PRH1: variants seen among roughly 807,000 people sequenced by gnomAD.
PRH1 encodes proline rich protein HaeIII subfamily 1.
In PRH1, 7 loss-of-function variants were observed where a neutral mutation model predicts 7.9. The ratio of observed to expected loss-of-function variants is 0.89; its 90% confidence interval spans 0.50 to 1.67. The LOEUF (loss-of-function observed/expected upper bound fraction) is 1.67. Among genes scored for constraint, PRH1 ranks in the 40% most tolerant of loss-of-function variants. The pLI is 0.00. For synonymous variants in PRH1, 45 were observed against 80.8 expected, an observed-to-expected ratio of 0.56 and a Z score of 2.38; for missense variants, 109 against 223.6, an observed-to-expected ratio of 0.49 and a Z score of 3.27.
intron 1 of PRH1, among the ~76,000 whole-genome samples, chr12:11,161,084 C>T (rs906556671): frequency 9.2e-5 from 14 of 152,204 alleles, no homozygotes; most frequent in Middle Eastern, 3.4e-3. Flanking sequence ...CTTCCAGGCC[C>T]GTCCCATAAA....
chr12:11,043,204 C>G (rs1466197173), intron 1 of PRH1, among the ~76,000 whole-genome samples: 1 of 152,106 alleles, frequency 6.6e-6, no homozygotes, highest in Non-Finnish European at 1.5e-5. Context: ...ACCATATGAT[C>G]ATTTAAATTA....
chr12:10,971,531 C>G (rs1276012614), intron 2 of PRH1, among the ~76,000 whole-genome samples: 1 of 152,012 alleles, frequency 6.6e-6, no homozygotes, highest in South Asian at 2.1e-4. Context: ...ATTTGAGAAA[C>G]TTCTCAACTT....
At position 11,134,274 on chromosome 12, in the gene PRH1, A is replaced by C; in HGVS notation, n.40-13094T>G. ...GAACAGACAAAAAGAAATTTTTAAAATGCTGGTGTAATATCACTGGTTGTG... is the reference window on the plus strand; with the variant it reads ...GAACAGACAAAAAGAAATTTTTAAACTGCTGGTGTAATATCACTGGTTGTG... On this transcript the variant is annotated intron_variant and non_coding_transcript_variant, in intron 1 of 1. Transcript: ENST00000541175. 3 of 1,576,574 alleles carry C rather than the reference A, an allele frequency of 1.9e-6. No homozygotes were observed. The African/African-American group carries it at 4.1e-5, about 21-fold the overall frequency.
At chr12:11,029,514 T>A (rs1942081898) in intron 1 of PRH1, among the ~76,000 whole-genome samples, 2 of 152,264 alleles carry the variant, frequency 1.3e-5, no homozygotes, top group Non-Finnish European at 2.9e-5. Context: ...AAGGATATAA[T>A]TAGCAATTCA....
chr12:11,090,847 C>A (rs1268422998), intron 1 of PRH1, among the ~76,000 whole-genome samples: 1 of 113,250 alleles, frequency 8.8e-6, no homozygotes, highest in Admixed American at 9.0e-5. Flanking sequence ...ATTCTAAGCA[C>A]AATGTGGTAT....
chr12:10,905,990 A>G (rs998170193), intron 2 of PRH1, among the ~76,000 whole-genome samples: 1 of 152,202 alleles, frequency 6.6e-6, no homozygotes, highest in Non-Finnish European at 1.5e-5. Context: ...ACAGATATTG[A>G]AAGATGCTAT....
Position 11,080,507 on chromosome 12 carries a change from T to C in PRH1, n.124-33319A>G, listed in dbSNP as rs1163861857. Reference sequence around the variant, plus strand: ...CCTGGGTGTGAAATTACAGGGTCCTTGATAAACGTTCACATTCTCCTCACA... The same window carrying C: ...CCTGGGTGTGAAATTACAGGGTCCTCGATAAACGTTCACATTCTCCTCACA... On this transcript the variant is annotated intron_variant and non_coding_transcript_variant, in intron 1 of 4. Transcript: ENST00000541977. Among the ~76,000 whole-genome samples the C allele has an allele frequency of 1.7e-5, 2 of 116,194 alleles. 1 individual carries two copies. Among genetic ancestry groups the C allele is most frequent in the Admixed American group, 1.7e-4 (2 of 11,558 alleles). The allele number at this position is 116,194 out of a possible 152,430, so 76.2% of individuals were successfully genotyped here. A position where few individuals can be genotyped will look rare whatever the true frequency, so the allele number is the denominator to read the frequency against.
chr12:10,970,128 A>C (rs1015498038), intron 2 of PRH1, among the ~76,000 whole-genome samples: 2 of 152,176 alleles, frequency 1.3e-5, no homozygotes, highest in African/African-American at 2.4e-5. Context: ...TATAGCAAGC[A>C]ATGCAGCACT....
intron 1 of PRH1, among the ~76,000 whole-genome samples, chr12:11,075,391 TTTTC>T (rs746554144): frequency 4.1e-3 from 361 of 88,062 alleles, no homozygotes; most frequent in East Asian, 8.6e-3. Context: ...CTTTTTTTTT[TTTTC>T]ATTTCTTTTG....
intron 1 of PRH1, chr12:11,030,448 T>A (rs773053386): frequency 4.5e-5 from 72 of 1,614,102 alleles, no homozygotes; most frequent in Middle Eastern, 1.6e-4. Context: ...AGTACCTCAC[T>A]TGCCGCAAAA....
chr12:11,041,476 T>C (rs991817897), intron 1 of PRH1, among the ~76,000 whole-genome samples: 2 of 152,094 alleles, frequency 1.3e-5, no homozygotes, highest in South Asian at 4.2e-4. Context: ...CCCAGATATA[T>C]AAAGCAAATA....
chr12:11,133,152 T>G, intron 1 of PRH1: 2 of 1,024,458 alleles, frequency 2.0e-6, no homozygotes, highest in Non-Finnish European at 2.7e-6. Flanking sequence ...CATCTATATA[T>G]ATGTACTTTT....
intron 1 of PRH1, among the ~76,000 whole-genome samples, chr12:10,996,275 G>A (rs919290490): frequency 6.6e-6 from 1 of 151,674 alleles, no homozygotes; most frequent in Admixed American, 6.6e-5. Flanking sequence ...GTTGTGGTGA[G>A]CCAAGATTGT....
chr12:10,925,986 TTTA>T (rs1477372070), intron 2 of PRH1, among the ~76,000 whole-genome samples: 2 of 152,198 alleles, frequency 1.3e-5, no homozygotes, highest in African/African-American at 4.8e-5. Context: ...ATAGTAAATG[TTTA>T]AAAATGTTTT....
At chr12:11,139,267 T>TAA (rs1946640848) in intron 1 of PRH1, among the ~76,000 whole-genome samples, 3 of 152,168 alleles carry the variant, frequency 2.0e-5, no homozygotes, top group African/African-American at 7.2e-5. Flanking sequence ...GAAAAAATTA[T>TAA]AACATTAACA....
chr12:10,912,510 T>A (rs1336122135), intron 2 of PRH1, among the ~76,000 whole-genome samples: 1 of 152,116 alleles, frequency 6.6e-6, no homozygotes, highest in African/African-American at 2.4e-5. Context: ...GCCTATTTTG[T>A]TAGTCTATTC....
chr12:11,000,187 T>C (rs1019390078), intron 1 of PRH1, among the ~76,000 whole-genome samples: 8 of 152,146 alleles, frequency 5.3e-5, no homozygotes, highest in South Asian at 4.1e-4. Context: ...GCTATTTGCA[T>C]ATATCTTATC....
At chr12:11,120,808 G>A (rs147241158), downstream of PRH1, 155 of 152,412 alleles carry the variant, frequency 1.0e-3, no homozygotes, top group African/African-American at 3.7e-3. Context: ...ACTATTTCAC[G>A]TAGAATAGAT....
At chr12:10,996,110 GT>G (rs1940216070) in intron 1 of PRH1, among the ~76,000 whole-genome samples, 1 of 151,600 alleles carries the variant, frequency 6.6e-6, no homozygotes, top group South Asian at 2.1e-4. Flanking sequence ...GAGGTCAAGA[GT>G]TCGAGACCAG....
Sources: gnomAD v4.1 joint callset for allele counts (sites outside exome capture counted in the v4.1 genomes callset) on GRCh38, gnomAD v4.1.1 for gene constraint, MANE v1.5 for transcripts, NCBI Gene and HGNC (gene_info 2026-07-23, HGNC 2026-07-21) for gene names.